The following PRDM15 variants were observed in gnomAD, a reference collection of about 807,000 sequenced individuals.
The protein encoded by PRDM15 is PR/SET domain 15, also known as PR domain zinc finger protein 15.
A neutral mutation model predicts 128.6 loss-of-function variants in PRDM15; 64 were observed. The observed-to-expected ratio is 0.50, with a 90% confidence interval of 0.41 to 0.61. The LOEUF (loss-of-function observed/expected upper bound fraction) is 0.61, where lower values mean the gene tolerates loss of function less well. Ranked by LOEUF, PRDM15 falls within the 20% of genes least tolerant of loss-of-function variation. The probability of loss-of-function intolerance (pLI) is 0.00; values close to 1 mark genes in which losing one functional copy is unlikely to be tolerated. For missense variants in PRDM15, 1,242 were observed against 1,569.1 expected (o/e 0.79, Z 3.52); for synonymous variants, 615 against 621.8 (o/e 0.99, Z 0.16).
intron 1 of PRDM15, among the ~76,000 whole-genome samples, chr21:41,864,863 A>G (rs2063943841): frequency 6.6e-6 from 1 of 151,500 alleles, no homozygotes; most frequent in Non-Finnish European, 1.5e-5. Context: ...TGCCTTTCTC[A>G]GCAGCCTTCT....
chr21:41,808,555 C>T (rs184763669), intron 21 of PRDM15, among the ~76,000 whole-genome samples: 1 of 152,346 alleles, frequency 6.6e-6, no homozygotes, highest in Non-Finnish European at 1.5e-5. Flanking sequence ...ACTTTCATTA[C>T]AGGACATTGG....
intron 1 of PRDM15, among the ~76,000 whole-genome samples, chr21:41,861,064 G>T (rs2063793910): frequency 6.6e-6 from 1 of 152,108 alleles, no homozygotes; most frequent in Non-Finnish European, 1.5e-5. Context: ...TCTACCTGCT[G>T]GGCTCAAGCA....
At chr21:41,873,145 C>T (rs2064274747) in intron 1 of PRDM15, among the ~76,000 whole-genome samples, 2 of 152,340 alleles carry the variant, frequency 1.3e-5, no homozygotes, top group South Asian at 4.1e-4. Context: ...CCTGGGCCTC[C>T]CCTTCCACAT....
chr21:41,843,370 T>A (rs967157455), intron 6 of PRDM15, among the ~76,000 whole-genome samples: 2 of 152,200 alleles, frequency 1.3e-5, no homozygotes, highest in African/African-American at 4.8e-5. Flanking sequence ...ATCCTTGAAC[T>A]AGGGAACGTC....
intron 6 of PRDM15, 86 bp from the exon 7 acceptor site, chr21:41,839,939 G>A: frequency 8.9e-7 from 1 of 1,117,320 alleles, no homozygotes; most frequent in Non-Finnish European, 1.3e-6. Context: ...CTATGTGTGT[G>A]TGTTTTCAAT....
chr21:41,803,210 A>ACTGGGTATTTC, intron 22 of PRDM15: 1 of 446,368 alleles, frequency 2.2e-6, no homozygotes, highest in Admixed American at 3.6e-5. Context: ...GTTTTAAGCC[A>ACTGGGTATTTC]CTGGGTATTT....
intron 18 of PRDM15, among the ~76,000 whole-genome samples, chr21:41,817,836 C>T (rs1482597372): frequency 6.6e-6 from 1 of 152,230 alleles, no homozygotes; most frequent in Non-Finnish European, 1.5e-5. Context: ...AATCTGGCAA[C>T]TGATGTATTA....
rs151101894 is a variant in PRDM15, at chr21:41,820,150, G to A, written c.2085C>T (p.Cys695=). 1.8e-4 allele frequency: 289 copies of A among 1,613,706 alleles called. No individual in the cohort carries two copies. The East Asian group carries it at 5.2e-3, about 29-fold the overall frequency. Residue 695 remains cysteine, a synonymous_variant, in exon 17 of 24, where the codon TGC becomes TGT. Transcript: ENST00000398548. ...VQKYIHPCEI[C]GRIFNSIGNL... is the part of the protein sequence containing the mutation. The stretch of plus-strand genomic sequence containing the variant: ...TCCCGATGCTGTTGAAGATCCGCCC[G>A]CAGATCTCGCAGGGGTGGATGTACC...
intron 14 of PRDM15, 113 bp downstream of exon 14, chr21:41,823,205 G>C: frequency 7.4e-7 from 1 of 1,351,066 alleles, no homozygotes; most frequent in Non-Finnish European, 1.0e-6. Context: ...AGCAGCACAT[G>C]TCTGCCCAGA....
rs1369062292 is a variant in PRDM15 at position 41,798,846 on chromosome 21, A to AT, written c.*2393dup. 6.6e-6 allele frequency: 1 copy of AT among 152,198 alleles called. No homozygotes were observed. The highest frequency in any genetic ancestry group is 1.5e-5 in the Non-Finnish European group (1 of 68,030). 9.4% of individuals were successfully genotyped at this position (152,198 alleles called of 1,614,324 possible). Reference sequence around the variant, plus strand: ...TGCCTGGGTGGTACATGGTTGTTGTATTTTGCTATCTAGTTTCTTTGATGC... The same window carrying AT: ...TGCCTGGGTGGTACATGGTTGTTGTATTTTTGCTATCTAGTTTCTTTGATGC... On this transcript the variant is annotated 3_prime_UTR_variant, in exon 24 of 24. Coordinates refer to ENST00000398548, the MANE Select transcript of PRDM15 (RefSeq NM_001040424.3).
intron 11 of PRDM15, among the ~76,000 whole-genome samples, chr21:41,831,527 G>A (rs2062691180): frequency 6.6e-6 from 1 of 152,210 alleles, no homozygotes; most frequent in African/African-American, 2.4e-5. Context: ...GCATGTGTCT[G>A]GCCTCACTCA....
At chr21:41,831,236 G>A (rs547348030) in intron 11 of PRDM15, among the ~76,000 whole-genome samples, 144 of 152,342 alleles carry the variant, frequency 9.5e-4, no homozygotes, top group African/African-American at 3.1e-3. Context: ...CGAGGGAGCC[G>A]CCACAGAGTG....
At position 41,806,522 on chromosome 21, in the gene PRDM15, TCACCACCACCATCACTACCACCAA is replaced by T. The variant is rs2061654680; in HGVS notation, c.2653-1932_2653-1909del. ...ACCACCATCACCATCACCACCACCA[TCACCACCACCATCACTACCACCAA>T]CATCACCACCATCACCATCACCATA... On this transcript the variant is annotated intron_variant, in intron 21 of 23. Coordinates refer to ENST00000398548, the MANE Select transcript of PRDM15 (RefSeq NM_001040424.3). Among the ~76,000 whole-genome samples, 4 of 45,322 alleles carry T rather than the reference TCACCACCACCATCACTACCACCAA, an allele frequency of 8.8e-5. 1 individual carries two copies. Among genetic ancestry groups the T allele is most frequent in the African/African-American group, 3.8e-4 (3 of 7,942 alleles). 29.7% of individuals were successfully genotyped at this position (45,322 alleles called of 152,430 possible).
At chr21:41,820,982 T>C in intron 16 of PRDM15, 85 bp downstream of exon 16, 2 of 1,539,600 alleles carry the variant, frequency 1.3e-6, no homozygotes, top group Non-Finnish European at 1.8e-6. Context: ...AAGCTACAAA[T>C]GGCTCCTTAT....
At chr21:41,801,967 A>T (rs2236698) in intron 23 of PRDM15, among the ~76,000 whole-genome samples, 118,367 of 152,132 alleles carry the variant, frequency 0.78, 46,701 homozygotes, top group African/African-American at 0.92. Flanking sequence ...AGAAAAAAAT[A>T]GAAAAAAGTA....
intron 3 of PRDM15, chr21:41,858,887 C>T: frequency 8.2e-6 from 5 of 608,058 alleles, no homozygotes; most frequent in Non-Finnish European, 1.4e-5. Flanking sequence ...CTCCTGGAAA[C>T]AGTTCTGGAA....
intron 1 of PRDM15, chr21:41,878,719 G>A (rs1177855633): frequency 1.3e-6 from 2 of 1,574,270 alleles, no homozygotes; most frequent in Non-Finnish European, 1.7e-6. Context: ...TCTAAACGCG[G>A]GGTTGGGGGT....
Position 41,804,577 on chromosome 21 carries a change from G to T in PRDM15, c.2690C>A (p.Pro897Gln). Reference sequence around the variant, plus strand: ...GGAGGCGTCGATGGTGGTGGTCTCCGGGAGGTGGTCCAGGTCATCGATCCT... The same window carrying T: ...GGAGGCGTCGATGGTGGTGGTCTCCTGGAGGTGGTCCAGGTCATCGATCCT... ...AVRIDDLDHL[P>Q]ETTTIDASSI... Residue 897 changes from proline (P) to glutamine (Q), a missense_variant, in exon 22 of 24, where the codon CCG (proline) becomes CAG (glutamine). Physicochemically the swap from Pro to Gln is moderately conservative, Grantham distance 76. Coordinates refer to ENST00000398548, the MANE Select transcript of PRDM15 (RefSeq NM_001040424.3). 6.4e-7 allele frequency: 1 copy of T among 1,571,888 alleles called. No homozygotes were observed.
chr21:41,831,034 C>T (rs976962327), intron 11 of PRDM15, among the ~76,000 whole-genome samples: 2 of 152,236 alleles, frequency 1.3e-5, no homozygotes, highest in African/African-American at 4.8e-5. Flanking sequence ...GTGTCGCCAA[C>T]GTGGGAGGAC....
Sources: gnomAD v4.1 joint callset for allele counts (sites outside exome capture counted in the v4.1 genomes callset) on GRCh38, gnomAD v4.1.1 for gene constraint, MANE v1.5 for transcripts, NCBI Gene and HGNC (gene_info 2026-07-23, HGNC 2026-07-21) for gene names.